Variants in TPH2 observed in about 807,000 individuals in gnomAD.
TPH2 encodes the protein tryptophan hydroxylase 2.
TPH2 carries 27 observed loss-of-function variants against 59.1 expected under a neutral mutation model. The observed-to-expected ratio is 0.46, with a 90% CI of 0.34 to 0.63. The LOEUF is 0.63. Among genes scored for constraint, TPH2 ranks in the 30% least tolerant of loss-of-function variants. The pLI, the probability that TPH2 is intolerant of heterozygous loss-of-function variation, is 0.01. For synonymous variants in TPH2, 220 were observed against 210.5 expected (o/e 1.05, Z -0.39); for missense variants, 523 against 588.3 (o/e 0.89, Z 1.15).
Position 71,947,813 on chromosome 12 carries a change from C to G in TPH2, c.541-1775C>G, listed in dbSNP as rs944062160. The stretch of plus-strand genomic sequence containing the variant: ...AGCTAATGAGGCATGATGAGTAAAT[C>G]GCTCTCTTGCGTCCTTGGAAAAGGT... On this transcript the variant is annotated intron_variant, in intron 4 of 10. Transcript: ENST00000333850. Among the ~76,000 whole-genome samples, 34 of 152,158 alleles carry G rather than the reference C, an allele frequency of 2.2e-4. 1 individual carries two copies. Among genetic ancestry groups the G allele is most frequent in the Admixed American group, 2.2e-3 (34 of 15,274 alleles).
intron 8 of TPH2, among the ~76,000 whole-genome samples, chr12:72,012,850 G>A (rs1245512230): frequency 6.6e-6 from 1 of 152,062 alleles, no homozygotes; most frequent in Non-Finnish European, 1.5e-5. Context: ...ATAGGAAGTA[G>A]TGTTAAATAA....
chr12:72,003,004 A>G (rs1349198294), intron 8 of TPH2, among the ~76,000 whole-genome samples: 2 of 152,200 alleles, frequency 1.3e-5, no homozygotes, highest in African/African-American at 4.8e-5. Flanking sequence ...TTATGTTAGA[A>G]GTGTAATTAT....
intron 7 of TPH2, among the ~76,000 whole-genome samples, chr12:71,989,792 C>T (rs1872537247): frequency 1.3e-5 from 2 of 152,274 alleles, no homozygotes; most frequent in South Asian, 4.1e-4. Flanking sequence ...AAAATGATGG[C>T]TACTTTCTTG....
rs116691466 is a variant in TPH2 at position 72,018,492 on chromosome 12, G to A, written c.1069-3907G>A. 2.6e-3 allele frequency among the ~76,000 whole-genome samples: 397 copies of A among 152,202 alleles called. 1 individual carries two copies. Among genetic ancestry groups the A allele is most frequent in the African/African-American group, 9.2e-3 (380 of 41,516 alleles). On this transcript the variant is annotated intron_variant, in intron 8 of 10. Coordinates refer to ENST00000333850, the MANE Select transcript of TPH2 (RefSeq NM_173353.4). Reference sequence around the variant, plus strand: ...AGATTTTTTCAGAGGCTCTCTTAGCGTGTTTTGGTTCAGATCATAAATGTG... The same window carrying A: ...AGATTTTTTCAGAGGCTCTCTTAGCATGTTTTGGTTCAGATCATAAATGTG...
intron 9 of TPH2, among the ~76,000 whole-genome samples, chr12:72,024,507 C>A (rs1028738533): frequency 6.6e-5 from 10 of 152,160 alleles, no homozygotes; most frequent in Non-Finnish European, 1.5e-4. Context: ...GGGCAAAGCC[C>A]ACAGCAACAG....
At chr12:71,996,234 G>A (rs1045255146) in intron 8 of TPH2, among the ~76,000 whole-genome samples, 5 of 152,190 alleles carry the variant, frequency 3.3e-5, no homozygotes, top group African/African-American at 1.2e-4. Flanking sequence ...TTATGACATA[G>A]CCACTGGCTT....
rs903284788 is a variant in TPH2, at chr12:71,962,195, T to A, written c.609-10324T>A. On this transcript the variant is annotated intron_variant, in intron 5 of 10. Coordinates refer to ENST00000333850, the MANE Select transcript of TPH2 (RefSeq NM_173353.4). ...ACGTATGTCAGATGACTTGAATGTT[T>A]TGAAATTCAGGCATCATTTAGATGG... The A allele has an allele frequency of 4.1e-6, 4 of 985,874 alleles. No homozygotes were observed. The African/African-American group carries it at 7.0e-5, about 17-fold the overall frequency. 61.1% of individuals were successfully genotyped at this position (985,874 alleles called of 1,614,324 possible). A position where few individuals can be genotyped will look rare whatever the true frequency, so the allele number is the denominator to read the frequency against.
intron 5 of TPH2, among the ~76,000 whole-genome samples, chr12:71,954,913 A>G (rs1486713314): frequency 6.6e-6 from 1 of 151,984 alleles, no homozygotes; most frequent in Non-Finnish European, 1.5e-5. Context: ...TCCTACTTTA[A>G]TTATGCCACT....
chr12:71,961,944 T>C, intron 5 of TPH2: 1 of 1,057,398 alleles, frequency 9.5e-7, no homozygotes, highest in South Asian at 3.1e-5. Context: ...TGTTTTTGTT[T>C]GCTCCCATCT....
intron 4 of TPH2, among the ~76,000 whole-genome samples, chr12:71,948,190 C>A (rs961065348): frequency 1.2e-4 from 18 of 151,584 alleles, no homozygotes; most frequent in Admixed American, 2.6e-4. Context: ...TTATTTTTTA[C>A]CAAATACCCA....
At chr12:72,027,748 G>T (rs781091299) in intron 9 of TPH2, among the ~76,000 whole-genome samples, 2 of 152,124 alleles carry the variant, frequency 1.3e-5, no homozygotes, top group South Asian at 2.1e-4. Flanking sequence ...GGTAGTAGCC[G>T]CCTCTGTGGA....
chr12:71,985,965 G>A (rs1872423146), intron 7 of TPH2, among the ~76,000 whole-genome samples: 2 of 152,190 alleles, frequency 1.3e-5, no homozygotes, highest in Admixed American at 6.5e-5. Context: ...TAGCTTATAT[G>A]CTAGGCTTTT....
chr12:71,978,986 A>C lies in TPH2; in HGVS notation c.840A>C (p.Gly280=). The C allele has an allele frequency of 6.2e-7, 1 of 1,613,994 alleles. No individual in the cohort carries two copies. The highest frequency in any genetic ancestry group is 1.1e-5 in the South Asian group (1 of 91,058). ...RSGFTVRPVA[G]YLSPRDFLAG... is the part of the protein sequence containing the mutation. Reference sequence around the variant, plus strand: ...GCTTCACGGTGAGGCCGGTGGCTGGATACCTGAGCCCACGAGACTTTCTGG... The same window carrying C: ...GCTTCACGGTGAGGCCGGTGGCTGGCTACCTGAGCCCACGAGACTTTCTGG... The change falls in exon 7 of 11, where the codon GGA becomes GGC. Residue 280 remains glycine (G), a synonymous_variant. Coordinates refer to ENST00000333850, the MANE Select transcript of TPH2 (RefSeq NM_173353.4).
chr12:71,961,894 A>G (rs1871695366), intron 5 of TPH2: 2 of 1,091,114 alleles, frequency 1.8e-6, no homozygotes, highest in Non-Finnish European at 2.2e-6. Flanking sequence ...TCTCTTGTAA[A>G]GGCAGCACCA....
intron 8 of TPH2, among the ~76,000 whole-genome samples, chr12:72,005,043 A>T (rs1230460789): frequency 1.3e-5 from 2 of 152,174 alleles, no homozygotes; most frequent in Non-Finnish European, 2.9e-5. Context: ...AGAGTTTTAT[A>T]TGCTTGCCAC....
chr12:71,962,445 T>G (rs145970505), intron 5 of TPH2: 1 of 985,236 alleles, frequency 1.0e-6, no homozygotes, highest in Admixed American at 6.1e-5. Context: ...GACTGAGTGA[T>G]GATGTCTAGA....
intron 8 of TPH2, among the ~76,000 whole-genome samples, chr12:72,000,321 A>G (rs1368662940): frequency 6.6e-6 from 1 of 152,236 alleles, no homozygotes; most frequent in Non-Finnish European, 1.5e-5. Context: ...AGTCTTCACA[A>G]ATTAACATTG....
At chr12:71,951,529 T>C (rs1245459799) in intron 5 of TPH2, among the ~76,000 whole-genome samples, 2 of 152,166 alleles carry the variant, frequency 1.3e-5, no homozygotes, top group African/African-American at 2.4e-5. Context: ...ACTTTTTGTA[T>C]TTTTGACAGG....
intron 1 of TPH2, among the ~76,000 whole-genome samples, chr12:71,940,526 T>C (rs1871027954): frequency 6.6e-6 from 1 of 152,176 alleles, no homozygotes; most frequent in African/African-American, 2.4e-5. Context: ...AGTAGATTGG[T>C]ACGATTGTAT....
Sources: allele counts gnomAD v4.1 joint callset (sites outside exome capture counted in the v4.1 genomes callset), GRCh38; gene constraint gnomAD v4.1.1; transcripts MANE v1.5; gene names NCBI Gene and HGNC (gene_info 2026-07-23, HGNC 2026-07-21).